The following CASK variants were observed in gnomAD, a reference collection of about 807,000 sequenced individuals.
CASK encodes the protein calcium/calmodulin dependent serine protein kinase, also known as peripheral plasma membrane protein CASK.
A neutral mutation model predicts 82.9 loss-of-function variants in CASK; 4 were observed. The observed-to-expected ratio is 0.05, with a 90% CI of 0.02 to 0.11. The LOEUF is 0.11. CASK is among the 10% of genes least tolerant of loss of function. The pLI, the probability that CASK is intolerant of heterozygous loss-of-function variation, is 1.00. For missense variants in CASK, 358 were observed against 720.9 expected, an observed-to-expected ratio of 0.50 and a Z score of 5.76; for synonymous variants, 259 against 253.5, an observed-to-expected ratio of 1.02 and a Z score of -0.20.
chrX:41,742,832 C>CT (rs1005730552), intron 4 of CASK, among the ~76,000 whole-genome samples: 11 of 111,413 alleles, frequency 9.9e-5, no homozygotes, highest in African/African-American at 3.6e-4. Context: ...TCCCCGCCTA[C>CT]TTTTTTTTAT....
intron 5 of CASK, among the ~76,000 whole-genome samples, chrX:41,678,868 C>T (rs2067308470): frequency 9.1e-6 from 1 of 109,734 alleles, no homozygotes; most frequent in Non-Finnish European, 1.9e-5. Flanking sequence ...TTTAATACAC[C>T]TTAGCACACA....
chrX:41,570,707 TTTG>T (rs1166433907), intron 15 of CASK, among the ~76,000 whole-genome samples: 2 of 112,128 alleles, frequency 1.8e-5, no homozygotes, highest in African/African-American at 6.5e-5. Flanking sequence ...TGAACTCTTT[TTTG>T]TTGTTTTTTT....
At chrX:41,773,579 G>A (rs774216267) in intron 3 of CASK, among the ~76,000 whole-genome samples, 2 of 110,674 alleles carry the variant, frequency 1.8e-5, no homozygotes, top group South Asian at 3.9e-4. Flanking sequence ...TGTTGCTAAC[G>A]ATGGGGATAT....
chrX:41,801,938 A>C (rs5918247), intron 2 of CASK, among the ~76,000 whole-genome samples: 2 of 110,313 alleles, frequency 1.8e-5, no homozygotes, highest in African/African-American at 6.6e-5. Flanking sequence ...CCTAATACAC[A>C]TACCCTTAGC....
At position 41,519,101 on chromosome X, in the gene CASK, G is replaced by A. The variant is rs2064600745; in HGVS notation, c.*1319C>T. 1 of 111,147 alleles carries A rather than the reference G, an allele frequency of 9.0e-6. No homozygotes were observed. Among genetic ancestry groups the A allele is most frequent in the Non-Finnish European group, 1.9e-5 (1 of 53,039 alleles). The allele number at this position is 111,147 out of a possible 1,213,427, so 9.2% of individuals were successfully genotyped here. On this transcript the variant is annotated 3_prime_UTR_variant, in exon 27 of 27. Coordinates refer to ENST00000378163, the MANE Select transcript of CASK (RefSeq NM_001367721.1). ...CCCTGCCAACTGATACTCACTCCTG[G>A]GCCTTCAAAGGTTCAATGAGCATCT...
intron 2 of CASK, among the ~76,000 whole-genome samples, chrX:41,828,864 ACT>A (rs1405810734): frequency 1.8e-5 from 2 of 112,106 alleles, no homozygotes; most frequent in African/African-American, 3.2e-5. Flanking sequence ...ACATGGAGTC[ACT>A]CTGTCTCTTT....
intron 2 of CASK, among the ~76,000 whole-genome samples, chrX:41,848,755 C>G (rs561780140): frequency 7.5e-4 from 84 of 111,955 alleles, no homozygotes; most frequent in East Asian, 2.8e-4. Flanking sequence ...ATTCAGCCTC[C>G]TTTGATGGCT....
intron 21 of CASK, among the ~76,000 whole-genome samples, chrX:41,550,147 C>T (rs5964010): frequency 8.2e-4 from 92 of 111,936 alleles, no homozygotes; most frequent in African/African-American, 2.9e-3. Context: ...GGTGACAGGG[C>T]GAGACTCCGT....
At chrX:41,701,565 G>A (rs1053078074) in intron 5 of CASK, among the ~76,000 whole-genome samples, 1 of 111,984 alleles carries the variant, frequency 8.9e-6, no homozygotes, top group African/African-American at 3.2e-5. Context: ...GCATTCCCAT[G>A]TTGGATGATG....
intron 2 of CASK, among the ~76,000 whole-genome samples, chrX:41,833,125 G>A (rs2070857414): frequency 8.9e-6 from 1 of 111,858 alleles, no homozygotes; most frequent in South Asian, 3.7e-4. Context: ...AAGAGTATGA[G>A]TTTGGGGGTT....
At chrX:41,837,450 T>G (rs1370852983) in intron 2 of CASK, among the ~76,000 whole-genome samples, 2 of 111,692 alleles carry the variant, frequency 1.8e-5, no homozygotes, top group African/African-American at 6.5e-5. Flanking sequence ...AAACCCCAAG[T>G]GCTAACCCTT....
At chrX:41,866,377 G>A (rs1428564170) in intron 1 of CASK, among the ~76,000 whole-genome samples, 1 of 112,386 alleles carries the variant, frequency 8.9e-6, no homozygotes, top group African/African-American at 3.2e-5. Context: ...ATTCTGGGTT[G>A]TAGGTCTCTC....
chrX:41,843,566 TC>T (rs1277239694), intron 2 of CASK, among the ~76,000 whole-genome samples: 1 of 112,029 alleles, frequency 8.9e-6, no homozygotes, highest in African/African-American at 3.2e-5. Flanking sequence ...ATACAATTTG[TC>T]CACAAAGTAT....
chrX:41,534,575 T>C, intron 24 of CASK, 131 bp downstream of exon 24: 1 of 520,557 alleles, frequency 1.9e-6, no homozygotes, highest in Non-Finnish European at 3.2e-6. Flanking sequence ...TCCTCCTTGT[T>C]CTTTTTTTGA....
At chrX:41,636,236 T>A (rs959992526) in intron 9 of CASK, among the ~76,000 whole-genome samples, 2 of 111,549 alleles carry the variant, frequency 1.8e-5, no homozygotes, top group Admixed American at 9.6e-5. Flanking sequence ...TCCATTGAAC[T>A]AAACATACAT....
intron 5 of CASK, among the ~76,000 whole-genome samples, chrX:41,699,853 C>G (rs758838170): frequency 9.0e-6 from 1 of 111,417 alleles, no homozygotes; most frequent in African/African-American, 3.3e-5. Context: ...AAAAAATATG[C>G]TACTGTCTTA....
chrX:41,730,983 G>A (rs1371059596), intron 5 of CASK, among the ~76,000 whole-genome samples: 2 of 112,065 alleles, frequency 1.8e-5, no homozygotes, highest in African/African-American at 6.5e-5. Context: ...GGGATTACAG[G>A]GGCAAGCCAT....
intron 1 of CASK, among the ~76,000 whole-genome samples, chrX:41,878,475 A>T (rs1258988434): frequency 2.7e-5 from 3 of 110,693 alleles, no homozygotes; most frequent in Admixed American, 1.9e-4. Flanking sequence ...TTTTTTTTTA[A>T]AATTTTATTT....
intron 5 of CASK, among the ~76,000 whole-genome samples, chrX:41,713,949 T>C (rs1338389277): frequency 2.7e-5 from 3 of 111,136 alleles, no homozygotes; most frequent in African/African-American, 9.8e-5. Flanking sequence ...TTAGGAGAAA[T>C]TGAAAAAATG....
Sources: gnomAD v4.1 joint callset for allele counts (sites outside exome capture counted in the v4.1 genomes callset) on GRCh38, gnomAD v4.1.1 for gene constraint, MANE v1.5 for transcripts, NCBI Gene and HGNC (gene_info 2026-07-23, HGNC 2026-07-21) for gene names.